Variants in ATR observed in about 807,000 individuals in gnomAD.
The protein encoded by ATR is ATR checkpoint kinase, also known as serine/threonine-protein kinase ATR.
Under a neutral mutation model 305.3 loss-of-function variants are expected in ATR, and 142 were observed. That is an observed-to-expected ratio of 0.47 (90% CI 0.41 to 0.53). The LOEUF (loss-of-function observed/expected upper bound fraction) is 0.53, where lower values mean the gene tolerates loss of function less well. Among genes scored for constraint, ATR ranks in the 20% least tolerant of loss-of-function variants. ATR has a pLI of 0.00. For missense variants in ATR, 2,135 were observed against 3,133.1 expected (o/e 0.68, Z 7.60); for synonymous variants, 1,050 against 1,068.1 (o/e 0.98, Z 0.33).
At position 142,505,213 on chromosome 3, in the gene ATR, C is replaced by A. The variant is rs2108355587; in HGVS notation, c.5122G>T (p.Glu1708Ter). The change falls in exon 29 of 47, where the codon GAA becomes TAA. Residue 1708 changes from glutamate to a stop codon, truncating the protein, a stop_gained. Coordinates refer to ENST00000350721, the MANE Select transcript of ATR (RefSeq NM_001184.4). LOFTEE classifies it high-confidence loss of function. ...AEPSLKEQIL[E>*]HESLGLLRDA... ...CTCAGCAAGCCAAGGCTTTCATGTT[C>A]AAGGATCTGTTCTTTTAGAGATGGT... 1 of 1,614,130 alleles carries A rather than the reference C, an allele frequency of 6.2e-7. No individual in the cohort carries two copies.
At chr3:142,467,829 C>A (rs956461102) in intron 39 of ATR, 105 bp downstream of exon 39, 18 of 1,346,060 alleles carry the variant, frequency 1.3e-5, no homozygotes, top group Admixed American at 4.1e-5. Flanking sequence ...TATGTGTACA[C>A]CTATAGTTAG....
At chr3:142,452,829 A>C in intron 46 of ATR, 1 of 1,222,964 alleles carries the variant, frequency 8.2e-7, no homozygotes, top group Non-Finnish European at 1.0e-6. Flanking sequence ...GTTGTTCTGT[A>C]AGTTCAGGCA....
chr3:142,558,017 T>C (rs75037999), intron 8 of ATR, among the ~76,000 whole-genome samples: 6,092 of 152,270 alleles, frequency 0.04, 407 homozygotes, highest in African/African-American at 0.14. Flanking sequence ...CTCAAATACT[T>C]CCTAATTTTA....
intron 46 of ATR, chr3:142,450,566 C>A (rs762552761): frequency 2.3e-5 from 37 of 1,607,596 alleles, no homozygotes. Context: ...GAAGCACAAA[C>A]TTCACGTTAC....
chr3:142,527,194 C>CT (rs1424442938), intron 21 of ATR, among the ~76,000 whole-genome samples: 1 of 151,920 alleles, frequency 6.6e-6, no homozygotes, highest in African/African-American at 2.4e-5. Context: ...TTCATGCTAT[C>CT]TTTTTTCGGT....
At chr3:142,450,413 C>T in intron 46 of ATR, 3 of 1,582,760 alleles carry the variant, frequency 1.9e-6, no homozygotes, top group South Asian at 1.1e-5. Flanking sequence ...TCTTCTTTCA[C>T]TTGTGACAAG....
intron 46 of ATR, chr3:142,450,282 CA>C: frequency 1.2e-6 from 1 of 819,934 alleles, no homozygotes; most frequent in Non-Finnish European, 2.0e-6. Flanking sequence ...TTTGCAGTTG[CA>C]AACCAGCTGC....
intron 36 of ATR, among the ~76,000 whole-genome samples, chr3:142,479,048 C>T (rs1241717925): frequency 1.3e-5 from 2 of 152,122 alleles, no homozygotes; most frequent in Admixed American, 6.5e-5. Flanking sequence ...TCCAATTTGC[C>T]AGTCTGTGTC....
rs1174485714 is a variant in ATR, at chr3:142,492,991, T to C, written c.6078+141A>G. 5.4e-6 allele frequency: 4 copies of C among 736,146 alleles called. No homozygotes were observed. The East Asian group carries it at 1.1e-4, about 21-fold the overall frequency. 45.6% of individuals were successfully genotyped at this position (736,146 alleles called of 1,614,324 possible). Reference sequence around the variant, plus strand: ...CAGTTTCATGAGTATATTTATTTTGTGATAATCCATATACTTATATACTCA... The same window carrying C: ...CAGTTTCATGAGTATATTTATTTTGCGATAATCCATATACTTATATACTCA... On this transcript the variant is annotated intron_variant, in intron 35 of 46. Coordinates refer to ENST00000350721, the MANE Select transcript of ATR (RefSeq NM_001184.4).
At chr3:142,560,563 AAT>A in intron 5 of ATR, 109 bp from the exon 6 acceptor site, 8 of 1,151,562 alleles carry the variant, frequency 6.9e-6, no homozygotes, top group Non-Finnish European at 9.7e-6. Context: ...TATTCAAAAA[AAT>A]TTTTTTTTTT....
At chr3:142,535,973 C>A in intron 20 of ATR, 135 bp downstream of exon 20, 1 of 664,104 alleles carries the variant, frequency 1.5e-6, no homozygotes. Context: ...ATTATCTACT[C>A]ACCAGGAATT....
intron 21 of ATR, among the ~76,000 whole-genome samples, chr3:142,530,034 G>A (rs2033575873): frequency 6.6e-6 from 1 of 152,020 alleles, no homozygotes; most frequent in South Asian, 2.1e-4. Context: ...ATTCTTCAGA[G>A]ACATCAATTA....
chr3:142,538,690 CAGTAATT>C, intron 18 of ATR, 65 bp from the exon 19 acceptor site: 1 of 1,584,630 alleles, frequency 6.3e-7, no homozygotes, highest in Non-Finnish European at 8.6e-7. Flanking sequence ...CTCTATCAAT[CAGTAATT>C]AGTTGAAGAC....
chr3:142,559,494 T>G, intron 6 of ATR, 53 bp from the exon 7 acceptor site: 3 of 1,549,324 alleles, frequency 1.9e-6, no homozygotes, highest in Non-Finnish European at 1.8e-6. Flanking sequence ...AATTTTGTTA[T>G]AGTCAAACAT....
At chr3:142,511,517 A>G (rs1376733165) in intron 27 of ATR, among the ~76,000 whole-genome samples, 25 of 151,942 alleles carry the variant, frequency 1.6e-4, no homozygotes. Context: ...TTAGCTGGCC[A>G]TGGTGGCACA....
intron 23 of ATR, among the ~76,000 whole-genome samples, chr3:142,521,499 G>T (rs2033146189): frequency 6.6e-6 from 1 of 152,170 alleles, no homozygotes; most frequent in Admixed American, 6.6e-5. Flanking sequence ...TGATGGATCT[G>T]GGCAGAGTAA....
Position 142,502,029 on chromosome 3 carries a change from G to A in ATR, c.5288+1333C>T, listed in dbSNP as rs538448744. On this transcript the variant is annotated intron_variant, in intron 30 of 46. Coordinates refer to ENST00000350721, the MANE Select transcript of ATR (RefSeq NM_001184.4). The stretch of plus-strand genomic sequence containing the variant: ...CCCAGAGTGCTGCAATTACAGGCAT[G>A]AGCCACCACACCCAGCCCAGAATGG... Among the ~76,000 whole-genome samples the A allele has an allele frequency of 5.3e-5, 8 of 152,252 alleles. No individual in the cohort carries two copies. The East Asian group carries it at 1.4e-3, about 26-fold the overall frequency.
At chr3:142,552,783 A>T (rs1272485766) in intron 13 of ATR, among the ~76,000 whole-genome samples, 2 of 152,138 alleles carry the variant, frequency 1.3e-5, no homozygotes, top group Non-Finnish European at 1.5e-5. Flanking sequence ...CAGCCATAAA[A>T]AGGAACAAGA....
chr3:142,529,411 T>C (rs911916830), intron 21 of ATR, among the ~76,000 whole-genome samples: 122 of 152,168 alleles, frequency 8.0e-4, no homozygotes, highest in African/African-American at 2.8e-3. Flanking sequence ...CCTTCTCTCA[T>C]TTAAAAAAAT....
Sources: allele counts gnomAD v4.1 joint callset (sites outside exome capture counted in the v4.1 genomes callset), GRCh38; gene constraint gnomAD v4.1.1; transcripts MANE v1.5; gene names NCBI Gene and HGNC (gene_info 2026-07-23, HGNC 2026-07-21).